Variants in JARID2 observed in about 807,000 individuals in gnomAD.
JARID2 encodes protein Jumonji.
JARID2 carries 21 observed loss-of-function variants against 125.6 expected under a neutral mutation model. That is an observed-to-expected ratio of 0.17 (90% confidence interval 0.12 to 0.24). JARID2 has a LOEUF of 0.24. Ranked by LOEUF, JARID2 falls within the 10% of genes least tolerant of loss-of-function variation. The probability of loss-of-function intolerance (pLI) is 1.00; values close to 1 mark genes in which losing one functional copy is unlikely to be tolerated. For missense variants in JARID2, 1,303 were observed against 1,639.6 expected (o/e 0.79, Z 3.55); for synonymous variants, 736 against 661.6 (o/e 1.11, Z -1.73).
chr6:15,311,866 G>C (rs1044485993), intron 1 of JARID2, among the ~76,000 whole-genome samples: 2 of 151,938 alleles, frequency 1.3e-5, no homozygotes, highest in African/African-American at 4.8e-5. Flanking sequence ...CGTGAAACTG[G>C]GGGGAATTTT....
intron 2 of JARID2, among the ~76,000 whole-genome samples, chr6:15,406,996 C>T (rs529073200): frequency 2.6e-5 from 4 of 152,034 alleles, no homozygotes; most frequent in South Asian, 2.1e-4. Context: ...GCGGTTTTCA[C>T]GCCTGTAATT....
chr6:15,450,530 G>A lies in JARID2; in HGVS notation c.324-1476G>A, dbSNP rs1346029435. 2.0e-5 allele frequency among the ~76,000 whole-genome samples: 3 copies of A among 152,280 alleles called. No individual in the cohort carries two copies. The East Asian group carries it at 5.8e-4, about 29-fold the overall frequency. On this transcript the variant is annotated intron_variant, in intron 3 of 17. Transcript: ENST00000341776. ...CATTGCATTATCCATCCTACGTAGT[G>A]TTTGGGATTCTGATGAGGTCTATTT...
intron 1 of JARID2, among the ~76,000 whole-genome samples, chr6:15,250,722 G>A (rs2127293063): frequency 6.6e-6 from 1 of 152,300 alleles, no homozygotes; most frequent in Non-Finnish European, 1.5e-5. Context: ...GAATTATTTG[G>A]TACTCGGTAA....
intron 4 of JARID2, among the ~76,000 whole-genome samples, chr6:15,454,293 T>G (rs376865180): frequency 6.6e-6 from 1 of 152,034 alleles, no homozygotes; most frequent in Admixed American, 6.6e-5. Context: ...ACTGAATTGT[T>G]GGGGGGGAAA....
At chr6:15,514,571 C>A (rs1011235836) in intron 16 of JARID2, among the ~76,000 whole-genome samples, 1 of 152,178 alleles carries the variant, frequency 6.6e-6, no homozygotes, top group Admixed American at 6.5e-5. Context: ...CGTCTCACCC[C>A]GAGTCCTGGC....
intron 1 of JARID2, among the ~76,000 whole-genome samples, chr6:15,300,129 C>G (rs1761552507): frequency 6.6e-6 from 1 of 152,172 alleles, no homozygotes; most frequent in African/African-American, 2.4e-5. Context: ...GGGTGTGCTT[C>G]TTTATCTCCT....
chr6:15,342,189 T>G (rs1054137197), intron 1 of JARID2, among the ~76,000 whole-genome samples: 2 of 152,200 alleles, frequency 1.3e-5, no homozygotes, highest in African/African-American at 4.8e-5. Context: ...ATTTTCTGCA[T>G]CTTTCCTTGT....
At chr6:15,465,429 C>T (rs578107030) in intron 4 of JARID2, among the ~76,000 whole-genome samples, 9 of 152,048 alleles carry the variant, frequency 5.9e-5, no homozygotes, top group East Asian at 1.9e-4. Context: ...CCAGCCTGGG[C>T]GACAGAGTGA....
intron 1 of JARID2, among the ~76,000 whole-genome samples, chr6:15,331,287 T>C (rs971884969): frequency 1.3e-5 from 2 of 151,728 alleles, no homozygotes; most frequent in Non-Finnish European, 2.9e-5. Context: ...TGAGTCATGA[T>C]TGCACCACTG....
At chr6:15,305,525 T>C (rs954547311) in intron 1 of JARID2, among the ~76,000 whole-genome samples, 2 of 152,250 alleles carry the variant, frequency 1.3e-5, no homozygotes, top group Admixed American at 6.5e-5. Flanking sequence ...TTTCATTCTT[T>C]AGTGCTGTTT....
At chr6:15,295,119 C>CTT (rs1761361829) in intron 1 of JARID2, among the ~76,000 whole-genome samples, 3 of 137,344 alleles carry the variant, frequency 2.2e-5, no homozygotes, top group African/African-American at 5.5e-5. Context: ...TTTTTTTTTT[C>CTT]TTTCTTTTTT....
chr6:15,315,445 C>T lies in JARID2; in HGVS notation c.46-58672C>T, dbSNP rs144830914. Among the ~76,000 whole-genome samples, 129 of 152,300 alleles carry T rather than the reference C, an allele frequency of 8.5e-4. 1 individual carries two copies. Among genetic ancestry groups the T allele is most frequent in the African/African-American group, 2.9e-3 (121 of 41,554 alleles). On this transcript the variant is annotated intron_variant, in intron 1 of 17. Transcript: ENST00000341776. ...GCTTTGTCTTGGAGAACTGCAGTCT[C>T]TCTCATATAGCTTTGATCTTTACTG...
chr6:15,422,287 G>A (rs928637051), intron 3 of JARID2, among the ~76,000 whole-genome samples: 5 of 152,224 alleles, frequency 3.3e-5, no homozygotes, highest in Admixed American at 2.6e-4. Flanking sequence ...GTGAGCTGGA[G>A]TTGGTAGGTT....
chr6:15,358,968 C>T (rs962630810), intron 1 of JARID2, among the ~76,000 whole-genome samples: 2 of 152,198 alleles, frequency 1.3e-5, no homozygotes, highest in African/African-American at 4.8e-5. Context: ...AAGTGGTTTC[C>T]AGGGCGGCCA....
chr6:15,459,431 A>G (rs1307493909), intron 4 of JARID2, among the ~76,000 whole-genome samples: 4 of 152,066 alleles, frequency 2.6e-5, no homozygotes, highest in African/African-American at 9.6e-5. Flanking sequence ...CAAGGAAAAA[A>G]AGAGTCTGTA....
intron 4 of JARID2, among the ~76,000 whole-genome samples, chr6:15,464,490 G>A (rs1042958439): frequency 1.3e-5 from 2 of 152,218 alleles, no homozygotes; most frequent in African/African-American, 4.8e-5. Context: ...ATGGGTGATG[G>A]ATTGGCCGTG....
chr6:15,248,658 C>T (rs1346267778), intron 1 of JARID2: 2 of 152,140 alleles, frequency 1.3e-5, no homozygotes, highest in Admixed American at 1.3e-4. Context: ...CCCCGCCGCG[C>T]GCCGGCGCCC....
chr6:15,403,445 A>G (rs1765519311), intron 2 of JARID2, among the ~76,000 whole-genome samples: 1 of 152,138 alleles, frequency 6.6e-6, no homozygotes, highest in Admixed American at 6.6e-5. Flanking sequence ...TAGTAGTAGC[A>G]GTGTTCTGCT....
At position 15,521,359 on chromosome 6, in the gene JARID2, T is replaced by C. The variant is rs1355932082; in HGVS notation, c.*1108T>C. The C allele has an allele frequency of 6.7e-6, 1 of 149,138 alleles. No homozygotes were observed. Among genetic ancestry groups the C allele is most frequent in the Non-Finnish European group, 1.5e-5 (1 of 67,250 alleles). 9.2% of individuals were successfully genotyped at this position (149,138 alleles called of 1,614,324 possible). A position where few individuals can be genotyped will look rare whatever the true frequency, so the allele number is the denominator to read the frequency against. ...AAGGAAAAAAGAAAAAAAAATCCCA[T>C]CCCTTTTGTACATATGCCTGTAAAT... On this transcript the variant is annotated 3_prime_UTR_variant, in exon 18 of 18. Transcript: ENST00000341776.
Sources: allele counts gnomAD v4.1 joint callset (sites outside exome capture counted in the v4.1 genomes callset), GRCh38; gene constraint gnomAD v4.1.1; transcripts MANE v1.5; gene names NCBI Gene and HGNC (gene_info 2026-07-23, HGNC 2026-07-21).